Variants in SMG1 observed in about 807,000 individuals in gnomAD.
SMG1 encodes the protein SMG1 nonsense mediated mRNA decay associated PI3K related kinase.
A neutral mutation model predicts 419.9 loss-of-function variants in SMG1; 22 were observed. That is an observed-to-expected ratio of 0.05 (90% CI 0.04 to 0.07). SMG1 has a LOEUF of 0.07. Ranked by LOEUF, SMG1 falls within the 10% of genes least tolerant of loss-of-function variation. The pLI is 1.00. For missense variants in SMG1, 3,185 were observed against 4,342.0 expected, an observed-to-expected ratio of 0.73 and a Z score of 7.49; for synonymous variants, 1,538 against 1,553.5, an observed-to-expected ratio of 0.99 and a Z score of 0.23.
Position 18,834,929 on chromosome 16 carries a change from C to G in SMG1, c.8293G>C (p.Ala2765Pro). The G allele has an allele frequency of 6.2e-7, 1 of 1,613,982 alleles. No homozygotes were observed. The highest frequency in any genetic ancestry group is 8.5e-7 in the Non-Finnish European group (1 of 1,179,852). ...ENGEEGSLSL[A>P]SVIISALCTL... is the part of the protein sequence containing the mutation. ...CAAAGGGCAGAAATAATAACACTTGCTAGACTCAAAGATCCTTCTTCTCCA... is the reference window on the plus strand; with the variant it reads ...CAAAGGGCAGAAATAATAACACTTGGTAGACTCAAAGATCCTTCTTCTCCA... The change falls in exon 49 of 63, where the codon GCA (alanine) becomes CCA (proline). Residue 2765 changes from alanine to proline, a missense_variant. Around this residue, in one of 27 missense-constraint regions of SMG1, gnomAD observed 412 missense variants for 546.6 expected, o/e 0.75. Coordinates refer to ENST00000446231, the MANE Select transcript of SMG1 (RefSeq NM_015092.5).
Position 18,816,536 on chromosome 16 carries a change from A to T in SMG1, c.10075-7T>A, listed in dbSNP as rs2032015523. On this transcript the variant is annotated splice_polypyrimidine_tract_variant and splice_region_variant and intron_variant, in intron 57 of 62. Coordinates refer to ENST00000446231, the MANE Select transcript of SMG1 (RefSeq NM_015092.5). ...GATGTTCAAGACCAGTGTCCTAAAT[A>T]GAACAAGCATTTGTTTGACTTCGAG... 6.2e-7 allele frequency: 1 copy of T among 1,609,018 alleles called. No homozygotes were observed. The highest frequency in any genetic ancestry group is 8.5e-7 in the Non-Finnish European group (1 of 1,177,296).
rs927837461 is a variant in SMG1 at position 18,829,504 on chromosome 16, C to T, written c.9385G>A (p.Glu3129Lys). 1.2e-6 allele frequency: 2 copies of T among 1,614,012 alleles called. No homozygotes were observed. Among genetic ancestry groups the T allele is most frequent in the Admixed American group, 3.3e-5 (2 of 60,020 alleles). ...AGATCATCAACAGAAACTTTGCTTT[C>T]GGCACCAAAGTCCTTTGCCTCTACT... ...AQVEAKDFGAESKVSVDDLCK... is the reference protein window; with the variant it reads ...AQVEAKDFGAKSKVSVDDLCK... Residue 3129 changes from glutamate (E) to lysine (K), a missense_variant, in exon 54 of 63, where the codon GAA becomes AAA. Glu to Lys is a moderately conservative substitution (Grantham distance 56, BLOSUM62 1). Coordinates refer to ENST00000446231, the MANE Select transcript of SMG1 (RefSeq NM_015092.5).
At chr16:18,892,414 AT>A in intron 3 of SMG1, 60 bp from the exon 4 acceptor site, 1 of 1,331,176 alleles carries the variant, frequency 7.5e-7, no homozygotes, top group Non-Finnish European at 1.0e-6. Flanking sequence ...ATATTTTTAA[AT>A]TTTTCAAATT....
intron 60 of SMG1, among the ~76,000 whole-genome samples, chr16:18,812,615 C>CACACATATATAT (rs1035933071): frequency 5.9e-4 from 43 of 73,114 alleles, no homozygotes; most frequent in African/African-American, 1.8e-3. Flanking sequence ...TATATACATA[C>CACACATATATAT]ACACATATAT....
chr16:18,860,876 G>A, intron 25 of SMG1, 100 bp from the exon 26 acceptor site: 2 of 577,156 alleles, frequency 3.5e-6, no homozygotes, highest in South Asian at 2.2e-5. Context: ...AGACAGCAAA[G>A]TACACAGCAT....
intron 13 of SMG1, among the ~76,000 whole-genome samples, chr16:18,873,410 T>TAA (rs2035931874): frequency 6.6e-6 from 1 of 151,954 alleles, no homozygotes; most frequent in African/African-American, 2.4e-5. Flanking sequence ...TTAGTAGAGA[T>TAA]AGAGTTTCAC....
chr16:18,838,520 C>T, intron 43 of SMG1, 31 bp downstream of exon 43: 9 of 1,613,896 alleles, frequency 5.6e-6, no homozygotes, highest in Non-Finnish European at 7.6e-6. Context: ...ACATTTGGCC[C>T]TCATAAATGT....
chr16:18,821,240 T>C (rs2032526822), intron 55 of SMG1, among the ~76,000 whole-genome samples: 17 of 78,136 alleles, frequency 2.2e-4, no homozygotes, highest in Non-Finnish European at 3.0e-4. Context: ...TTTTTTTTTT[T>C]CTTTTTTTTT....
chr16:18,924,068 T>C (rs1396363758), intron 1 of SMG1, among the ~76,000 whole-genome samples: 1 of 152,144 alleles, frequency 6.6e-6, no homozygotes, highest in Non-Finnish European at 1.5e-5. Context: ...CAAATGTATA[T>C]CACAGTATCG....
chr16:18,840,949 C>A (rs1353054282), intron 41 of SMG1, among the ~76,000 whole-genome samples: 1 of 151,886 alleles, frequency 6.6e-6, no homozygotes, highest in East Asian at 1.9e-4. Flanking sequence ...AATCCCAACA[C>A]TTAAGAAGGC....
Position 18,860,791 on chromosome 16 carries a change from T to A in SMG1, c.3696-15A>T. On this transcript the variant is annotated splice_polypyrimidine_tract_variant and intron_variant, in intron 25 of 62. Coordinates refer to ENST00000446231, the MANE Select transcript of SMG1 (RefSeq NM_015092.5). Reference sequence around the variant, plus strand: ...TGCTTAATGATCTGTAATTAAAATATTGGTTAGCTTGTATTCCTATGCAGC... The same window carrying A: ...TGCTTAATGATCTGTAATTAAAATAATGGTTAGCTTGTATTCCTATGCAGC... 1.8e-6 allele frequency: 2 copies of A among 1,141,092 alleles called. No homozygotes were observed. The highest frequency in any genetic ancestry group is 2.5e-6 in the Non-Finnish European group (2 of 785,192). 70.7% of individuals were successfully genotyped at this position (1,141,092 alleles called of 1,614,324 possible).
Position 18,836,133 on chromosome 16 carries a change from C to G in SMG1, c.7857G>C (p.Leu2619=), listed in dbSNP as rs1405927446. 1.9e-6 allele frequency: 3 copies of G among 1,609,892 alleles called. No individual in the cohort carries two copies. Among genetic ancestry groups the G allele is most frequent in the South Asian group, 2.2e-5 (2 of 90,118 alleles). Residue 2619 remains leucine (L), a synonymous_variant, in exon 48 of 63, where the codon CTG becomes CTC. Coordinates refer to ENST00000446231, the MANE Select transcript of SMG1 (RefSeq NM_015092.5). ...GCAGGAGAGCACCAACCTCCCCCTCCAGCTGCTCGCACTGGCTAATCAAGT... is the reference window on the plus strand; with the variant it reads ...GCAGGAGAGCACCAACCTCCCCCTCGAGCTGCTCGCACTGGCTAATCAAGT... The part of the protein sequence containing the change: ...QAHLISQCEQ[L]EGEVGALLQQ...
At chr16:18,852,485 A>G in intron 31 of SMG1, 23 bp from the exon 32 acceptor site, 1 of 1,474,566 alleles carries the variant, frequency 6.8e-7, no homozygotes, top group Non-Finnish European at 9.0e-7. Flanking sequence ...ACAAAAAAAT[A>G]ATTATAATAA....
chr16:18,880,745 C>A (rs2036352982), intron 10 of SMG1, among the ~76,000 whole-genome samples: 1 of 142,648 alleles, frequency 7.0e-6, no homozygotes, highest in Non-Finnish European at 1.5e-5. Context: ...GAGGGGGAAG[C>A]ATTCTTGGCC....
At position 18,892,193 on chromosome 16, in the gene SMG1, A is replaced by G. The variant is rs770636030; in HGVS notation, c.549+25T>C. On this transcript the variant is annotated intron_variant, in intron 4 of 62. Coordinates refer to ENST00000446231, the MANE Select transcript of SMG1 (RefSeq NM_015092.5). ...TTATTATGGAAACACAAAAATCCTC[A>G]TATTTCCAAACATACTATACTTACC... is the stretch of plus-strand genomic sequence containing the variant. The G allele has an allele frequency of 5.5e-6, 8 of 1,465,178 alleles. No individual in the cohort carries two copies. In the South Asian group the frequency reaches 7.3e-5, roughly 13 times the overall value. 90.8% of individuals were successfully genotyped at this position (1,465,178 alleles called of 1,614,324 possible). A position where few individuals can be genotyped will look rare whatever the true frequency, so the allele number is the denominator to read the frequency against.
rs747949756 is a variant in SMG1, at chr16:18,842,359, A to G, written c.6315T>C (p.Thr2105=). ...ISPWLAAMTN[T]EIALPGEVSA... is the part of the protein sequence containing the mutation. ...AGACTTCCCCAGGAAGAGCAATTTCAGTGTTAGTCATGGCAGCCAACCATG... is the reference window on the plus strand; with the variant it reads ...AGACTTCCCCAGGAAGAGCAATTTCGGTGTTAGTCATGGCAGCCAACCATG... The change falls in exon 40 of 63, where the codon ACT becomes ACC. Residue 2105 remains threonine, a synonymous_variant. Coordinates refer to ENST00000446231, the MANE Select transcript of SMG1 (RefSeq NM_015092.5). 1 of 1,614,002 alleles carries G rather than the reference A, an allele frequency of 6.2e-7. No individual in the cohort carries two copies. The highest frequency in any genetic ancestry group is 1.1e-5 in the South Asian group (1 of 91,084).
intron 29 of SMG1, 98 bp from the exon 30 acceptor site, chr16:18,855,002 C>T (rs201927161): frequency 2.2e-6 from 2 of 929,972 alleles, no homozygotes; most frequent in Non-Finnish European, 3.0e-6. Flanking sequence ...CCCTCTTCTG[C>T]ACCACCTCCT....
intron 33 of SMG1, 121 bp downstream of exon 33, chr16:18,851,946 T>C: frequency 9.2e-7 from 1 of 1,081,288 alleles, no homozygotes; most frequent in East Asian, 2.7e-5. Context: ...ATGCAGAAGT[T>C]TTTATTTACA....
At chr16:18,918,921 T>C (rs2038081362) in intron 1 of SMG1, among the ~76,000 whole-genome samples, 1 of 152,150 alleles carries the variant, frequency 6.6e-6, no homozygotes, top group Non-Finnish European at 1.5e-5. Flanking sequence ...AAGGAAGGTA[T>C]ACTGAGAATT....
Sources: allele counts gnomAD v4.1 joint callset (sites outside exome capture counted in the v4.1 genomes callset), GRCh38; gene constraint gnomAD v4.1.1; regional missense constraint gnomAD v4.1.1; transcripts MANE v1.5; gene names NCBI Gene and HGNC (gene_info 2026-07-23, HGNC 2026-07-21).